Variants in IGSF11 observed in about 807,000 individuals in gnomAD.
The protein encoded by IGSF11 is immunoglobulin superfamily member 11.
IGSF11 carries 22 observed loss-of-function variants against 41.0 expected under a neutral mutation model. The observed-to-expected ratio is 0.54, with a 90% CI of 0.38 to 0.77. The LOEUF is 0.77. IGSF11 is among the 30% of genes least tolerant of loss of function. The probability of loss-of-function intolerance (pLI) is 0.00; values close to 1 mark genes in which losing one functional copy is unlikely to be tolerated. For synonymous variants in IGSF11, 219 were observed against 201.3 expected (o/e 1.09, Z -0.74); for missense variants, 444 against 530.8 (o/e 0.84, Z 1.61).
In IGSF11 at chr3:118,901,021, G is replaced by A. The variant is rs1197109874; in HGVS notation, c.*1499C>T. ...TGCAGGAGAAGAGAGCAAAAAGTAT[G>A]GTGGTAAGAGGGAGTAAGAGAACAC... On this transcript the variant is annotated 3_prime_UTR_variant, in exon 7 of 7. Coordinates refer to ENST00000393775, the MANE Select transcript of IGSF11 (RefSeq NM_001015887.3). 3.3e-5 allele frequency: 5 copies of A among 152,582 alleles called. No individual in the cohort carries two copies. Among genetic ancestry groups the A allele is most frequent in the African/African-American group, 9.7e-5 (4 of 41,442 alleles). 9.5% of individuals were successfully genotyped at this position (152,582 alleles called of 1,614,324 possible).
chr3:119,089,074 C>G (rs1273220189), intron 1 of IGSF11, among the ~76,000 whole-genome samples: 1 of 152,102 alleles, frequency 6.6e-6, no homozygotes, highest in Non-Finnish European at 1.5e-5. Flanking sequence ...TCCTGACTAA[C>G]TCTATGAAGC....
intron 1 of IGSF11, among the ~76,000 whole-genome samples, chr3:118,938,294 G>T (rs116385406): frequency 1.3e-5 from 2 of 152,130 alleles, no homozygotes; most frequent in African/African-American, 4.8e-5. Flanking sequence ...CTTTTGGGGG[G>T]CATTTAGTAA....
chr3:118,985,292 G>C (rs1404575544), intron 1 of IGSF11, among the ~76,000 whole-genome samples: 1 of 152,156 alleles, frequency 6.6e-6, no homozygotes, highest in Admixed American at 6.5e-5. Context: ...CCATTAATGA[G>C]AGAACTGAGG....
intron 1 of IGSF11, among the ~76,000 whole-genome samples, chr3:119,143,368 T>C (rs1057075676): frequency 2.6e-5 from 4 of 152,192 alleles, no homozygotes; most frequent in South Asian, 2.1e-4. Flanking sequence ...CAGGGTTTTG[T>C]ATACCATTGA....
At position 118,934,669 on chromosome 3, in the gene IGSF11, C is replaced by T. The variant is rs900948257; in HGVS notation, c.53-4394G>A. ...TGTGCTTGTCCAAGATCAAACTATTCCTTTGCATGCCCACCTCCCAAATAT... is the reference window on the plus strand; with the variant it reads ...TGTGCTTGTCCAAGATCAAACTATTTCTTTGCATGCCCACCTCCCAAATAT... On this transcript the variant is annotated intron_variant, in intron 1 of 6. Coordinates refer to ENST00000393775, the MANE Select transcript of IGSF11 (RefSeq NM_001015887.3). 3.3e-5 allele frequency among the ~76,000 whole-genome samples: 5 copies of T among 152,206 alleles called. No homozygotes were observed. The South Asian group carries it at 1.0e-3, about 32-fold the overall frequency.
intron 4 of IGSF11, among the ~76,000 whole-genome samples, chr3:118,917,984 T>TAAAC (rs2107506538): frequency 7.3e-6 from 1 of 137,286 alleles, no homozygotes; most frequent in Non-Finnish European, 1.5e-5. Flanking sequence ...ATCCAGCATA[T>TAAAC]AAACAGAGCC....
At chr3:119,106,763 C>G (rs964800654), upstream of IGSF11, among the ~76,000 whole-genome samples, 2 of 151,578 alleles carry the variant, frequency 1.3e-5, no homozygotes, top group African/African-American at 2.4e-5. Flanking sequence ...ACAGTCCCCA[C>G]AGTGTGATGT....
chr3:119,075,744 A>G (rs899470560), intron 1 of IGSF11, among the ~76,000 whole-genome samples: 1 of 152,196 alleles, frequency 6.6e-6, no homozygotes, highest in African/African-American at 2.4e-5. Context: ...TCATCTCAAT[A>G]GATGCACAAA....
intron 1 of IGSF11, among the ~76,000 whole-genome samples, chr3:118,934,754 G>C (rs989016811): frequency 2.0e-5 from 3 of 152,022 alleles, no homozygotes; most frequent in Non-Finnish European, 4.4e-5. Flanking sequence ...GGCCAAGCTG[G>C]GCAAGCCAGA....
intron 1 of IGSF11, among the ~76,000 whole-genome samples, chr3:119,046,003 T>C (rs6763713): frequency 0.16 from 24,081 of 149,236 alleles, 1,619 homozygotes; most frequent in South Asian, 0.26. Flanking sequence ...TACATCACCA[T>C]CATCAAAGAC....
At chr3:119,120,047 C>T (rs1455046451) in intron 1 of IGSF11, among the ~76,000 whole-genome samples, 6 of 152,182 alleles carry the variant, frequency 3.9e-5, no homozygotes, top group African/African-American at 1.4e-4. Context: ...GCAAAGATGG[C>T]ATCAGTCATT....
chr3:119,116,215 C>T (rs767721332), intron 1 of IGSF11, among the ~76,000 whole-genome samples: 2 of 152,086 alleles, frequency 1.3e-5, no homozygotes, highest in Non-Finnish European at 2.9e-5. Context: ...CCATTGAGGT[C>T]CTGAACAGAA....
At chr3:119,009,154 A>G (rs944507415) in intron 1 of IGSF11, among the ~76,000 whole-genome samples, 3 of 152,148 alleles carry the variant, frequency 2.0e-5, no homozygotes, top group Non-Finnish European at 2.9e-5. Context: ...ATTTCCTTCA[A>G]TGTTCACCCT....
intron 1 of IGSF11, among the ~76,000 whole-genome samples, chr3:119,014,812 G>A (rs1042763253): frequency 2.6e-5 from 4 of 152,178 alleles, no homozygotes; most frequent in African/African-American, 9.7e-5. Context: ...AGGGCTGTAT[G>A]ACAGCTACAT....
chr3:119,093,154 A>C (rs1042467116), intron 1 of IGSF11, among the ~76,000 whole-genome samples: 5 of 152,254 alleles, frequency 3.3e-5, no homozygotes, highest in Non-Finnish European at 5.9e-5. Context: ...TGAATAACAG[A>C]AAATGCCCTA....
At chr3:119,126,544 G>A (rs139797516) in intron 1 of IGSF11, among the ~76,000 whole-genome samples, 439 of 152,266 alleles carry the variant, frequency 2.9e-3, no homozygotes, top group African/African-American at 0.01. Flanking sequence ...AACGAGTCCT[G>A]CTCCCTGTAC....
intron 1 of IGSF11, among the ~76,000 whole-genome samples, chr3:119,101,229 G>C (rs2076934913): frequency 6.6e-6 from 1 of 152,152 alleles, no homozygotes; most frequent in African/African-American, 2.4e-5. Context: ...AGTAAAGCAG[G>C]CCGGGTGCGG....
At chr3:119,052,844 C>T (rs1941679550) in intron 1 of IGSF11, among the ~76,000 whole-genome samples, 1 of 152,082 alleles carries the variant, frequency 6.6e-6, no homozygotes, top group African/African-American at 2.4e-5. Flanking sequence ...GTTTAACATA[C>T]TCAAGTCAAT....
chr3:119,000,962 C>T (rs1321215128), intron 1 of IGSF11, among the ~76,000 whole-genome samples: 1 of 152,158 alleles, frequency 6.6e-6, no homozygotes, highest in Admixed American at 6.5e-5. Context: ...TCTTTCATTG[C>T]CCAGCAACCA....
Sources: gnomAD v4.1 joint callset for allele counts (sites outside exome capture counted in the v4.1 genomes callset) on GRCh38, gnomAD v4.1.1 for gene constraint, MANE v1.5 for transcripts, NCBI Gene and HGNC (gene_info 2026-07-23, HGNC 2026-07-21) for gene names.